The following CADM2 variants were observed in gnomAD, a reference collection of about 807,000 sequenced individuals.
The protein encoded by CADM2 is cell adhesion molecule 2, also known as immunoglobulin superfamily member 4D.
CADM2 carries 12 observed loss-of-function variants against 49.8 expected under a neutral mutation model. That is an observed-to-expected ratio of 0.24 (90% confidence interval 0.15 to 0.39). The LOEUF (loss-of-function observed/expected upper bound fraction) is 0.39, where lower values mean the gene tolerates loss of function less well. Ranked by LOEUF, CADM2 falls within the 10% of genes least tolerant of loss-of-function variation. The probability of loss-of-function intolerance (pLI) is 1.00; values close to 1 mark genes in which losing one functional copy is unlikely to be tolerated. For synonymous variants in CADM2, 214 were observed against 175.4 expected (o/e 1.22, Z -1.74); for missense variants, 378 against 492.3 (o/e 0.77, Z 2.20).
intron 3 of CADM2, among the ~76,000 whole-genome samples, chr3:85,808,516 C>T (rs1203574061): frequency 6.6e-6 from 1 of 152,098 alleles, no homozygotes; most frequent in Non-Finnish European, 1.5e-5. Flanking sequence ...ATTGAAGTAG[C>T]ACAATCTGAT....
chr3:85,292,338 TG>T (rs1348040790), intron 1 of CADM2, among the ~76,000 whole-genome samples: 4 of 150,894 alleles, frequency 2.7e-5, no homozygotes, highest in Non-Finnish European at 5.9e-5. Flanking sequence ...ACATTAATAG[TG>T]GGAGACTTTA....
intron 1 of CADM2, among the ~76,000 whole-genome samples, chr3:85,336,484 G>A (rs996763595): frequency 1.3e-5 from 2 of 151,310 alleles, no homozygotes; most frequent in Non-Finnish European, 3.0e-5. Flanking sequence ...AATTGATAGC[G>A]AATGTTTTCT....
chr3:85,242,987 T>C (rs528773552), intron 1 of CADM2, among the ~76,000 whole-genome samples: 4 of 151,770 alleles, frequency 2.6e-5, no homozygotes, highest in African/African-American at 4.8e-5. Flanking sequence ...TATTGTTGTA[T>C]TGACTTCAAT....
At chr3:85,250,580 A>C (rs1159924368) in intron 1 of CADM2, among the ~76,000 whole-genome samples, 1 of 151,700 alleles carries the variant, frequency 6.6e-6, no homozygotes, top group African/African-American at 2.4e-5. Flanking sequence ...AATTTTATAT[A>C]GTCAGTGAAT....
At position 86,012,880 on chromosome 3, in the gene CADM2, C is replaced by A. The variant is rs1474750961; in HGVS notation, c.970+51233C>A. 4 of 556,960 alleles carry A rather than the reference C, an allele frequency of 7.2e-6. No homozygotes were observed. In the East Asian group the frequency reaches 1.0e-4, roughly 14 times the overall value. The allele number at this position is 556,960 out of a possible 1,614,324, so 34.5% of individuals were successfully genotyped here. ...GTCCCAGCTACTCGGGAGGCTGAGG[C>A]AGGAGAATGGCGTGAACCCGGGAGG... On this transcript the variant is annotated intron_variant, in intron 8 of 9. Transcript: ENST00000383699.
intron 8 of CADM2, among the ~76,000 whole-genome samples, chr3:86,016,521 A>G (rs1255252436): frequency 2.0e-5 from 3 of 152,308 alleles, no homozygotes; most frequent in Non-Finnish European, 2.9e-5. Context: ...GTAATGTGCT[A>G]CCAGTTGTTT....
At chr3:85,943,812 T>G (rs2108563239) in intron 7 of CADM2, among the ~76,000 whole-genome samples, 1 of 151,748 alleles carries the variant, frequency 6.6e-6, no homozygotes, top group African/African-American at 2.4e-5. Flanking sequence ...GATTCCCTAT[T>G]TAACCATGCC....
intron 1 of CADM2, among the ~76,000 whole-genome samples, chr3:85,381,261 A>G (rs1254722389): frequency 6.6e-6 from 1 of 151,308 alleles, no homozygotes; most frequent in African/African-American, 2.4e-5. Flanking sequence ...ATAATGATCA[A>G]CTTTATTCTT....
intron 2 of CADM2, among the ~76,000 whole-genome samples, chr3:85,775,845 G>A (rs1215156322): frequency 1.3e-5 from 2 of 151,878 alleles, no homozygotes. Context: ...ATGTCCACAT[G>A]TTATTAGGTA....
At chr3:85,057,187 C>G (rs536778374) in intron 1 of CADM2, among the ~76,000 whole-genome samples, 1 of 152,226 alleles carries the variant, frequency 6.6e-6, no homozygotes, top group African/African-American at 2.4e-5. Context: ...GCTCACCCAT[C>G]AAATCTAAGA....
At chr3:86,035,356 T>A (rs1010411435) in intron 8 of CADM2, among the ~76,000 whole-genome samples, 35 of 152,050 alleles carry the variant, frequency 2.3e-4, no homozygotes, top group African/African-American at 8.2e-4. Context: ...TTCTTGATCT[T>A]TGTAGGCTGA....
rs548350905 is a variant in CADM2, at chr3:85,850,384, G to A, written c.239-32907G>A. Among the ~76,000 whole-genome samples, 35 of 147,722 alleles carry A rather than the reference G, an allele frequency of 2.4e-4. No individual in the cohort carries two copies. In the South Asian group the frequency reaches 7.6e-3, roughly 32 times the overall value. On this transcript the variant is annotated intron_variant, in intron 3 of 9. Transcript: ENST00000383699. The stretch of plus-strand genomic sequence containing the variant: ...CCGTCGCCCAGGCTGGAGAGCAGTG[G>A]CGCGATCTCGGCTCACTGCAAGCTC...
At chr3:85,051,616 C>T (rs1161283361) in intron 1 of CADM2, among the ~76,000 whole-genome samples, 1 of 152,022 alleles carries the variant, frequency 6.6e-6, no homozygotes, top group Non-Finnish European at 1.5e-5. Flanking sequence ...ATTTAAGTGC[C>T]AGTATGTATC....
At chr3:85,703,598 A>G (rs1292474470) in intron 1 of CADM2, among the ~76,000 whole-genome samples, 1 of 152,182 alleles carries the variant, frequency 6.6e-6, no homozygotes, top group Admixed American at 6.5e-5. Context: ...TCCAAATACT[A>G]TGAAATTCTC....
intron 1 of CADM2, among the ~76,000 whole-genome samples, chr3:85,259,054 G>C (rs2042954141): frequency 6.6e-6 from 1 of 152,114 alleles, no homozygotes; most frequent in African/African-American, 2.4e-5. Context: ...CATCAGCATT[G>C]ATTGCCTTAG....
chr3:85,307,995 A>G (rs2044254536), intron 1 of CADM2, among the ~76,000 whole-genome samples: 1 of 151,336 alleles, frequency 6.6e-6, no homozygotes, highest in African/African-American at 2.4e-5. Flanking sequence ...TGTGGAATTC[A>G]CTCAACTTCA....
intron 1 of CADM2, among the ~76,000 whole-genome samples, chr3:84,982,711 ATATAT>A (rs2107141754): frequency 1.1e-5 from 1 of 92,574 alleles, no homozygotes; most frequent in Non-Finnish European, 2.5e-5. Context: ...GCATATATAT[ATATAT>A]ATATATATAT....
intron 8 of CADM2, among the ~76,000 whole-genome samples, chr3:86,017,285 C>A (rs1440288842): frequency 2.0e-5 from 3 of 151,222 alleles, no homozygotes; most frequent in African/African-American, 7.3e-5. Flanking sequence ...CTCAAGAGTT[C>A]TATGATTTGG....
intron 1 of CADM2, among the ~76,000 whole-genome samples, chr3:85,394,993 A>C (rs2107412090): frequency 6.6e-6 from 1 of 152,276 alleles, no homozygotes; most frequent in South Asian, 2.1e-4. Flanking sequence ...AATGTATGAT[A>C]CTTAACAAAT....
Sources: gnomAD v4.1 joint callset for allele counts (sites outside exome capture counted in the v4.1 genomes callset) on GRCh38, gnomAD v4.1.1 for gene constraint, MANE v1.5 for transcripts, NCBI Gene and HGNC (gene_info 2026-07-23, HGNC 2026-07-21) for gene names.